GPC6: variants seen among roughly 807,000 people sequenced by gnomAD.
GPC6 encodes glypican-6.
A neutral mutation model predicts 55.2 loss-of-function variants in GPC6; 14 were observed. That is an observed-to-expected ratio of 0.25 (90% CI 0.17 to 0.40). GPC6 has a LOEUF of 0.40. GPC6 is among the 10% of genes least tolerant of loss of function. The probability of loss-of-function intolerance (pLI) is 1.00; values close to 1 mark genes in which losing one functional copy is unlikely to be tolerated. For missense variants in GPC6, 641 were observed against 708.5 expected (o/e 0.90, Z 1.08); for synonymous variants, 278 against 259.6 (o/e 1.07, Z -0.68).
chr13:93,615,920 A>G (rs1363177839), intron 2 of GPC6, among the ~76,000 whole-genome samples: 6 of 152,172 alleles, frequency 3.9e-5, no homozygotes, highest in African/African-American at 1.4e-4. Flanking sequence ...CATACTGCTC[A>G]CTCAGTAGTA....
intron 3 of GPC6, among the ~76,000 whole-genome samples, chr13:93,873,194 T>G (rs1280471513): frequency 1.3e-5 from 2 of 151,996 alleles, no homozygotes; most frequent in Non-Finnish European, 2.9e-5. Context: ...CTGTTCACAT[T>G]GCTATTTGCC....
chr13:94,104,675 GACAA>G (rs1885987943), intron 4 of GPC6, among the ~76,000 whole-genome samples: 2 of 152,174 alleles, frequency 1.3e-5, no homozygotes, highest in Non-Finnish European at 1.5e-5. Context: ...ACCAACAACA[GACAA>G]ACAGAGAGCC....
At position 93,926,420 on chromosome 13, in the gene GPC6, C is replaced by T. The variant is rs149906087; in HGVS notation, c.711+95875C>T. On this transcript the variant is annotated intron_variant, in intron 3 of 8. Coordinates refer to ENST00000377047, the MANE Select transcript of GPC6 (RefSeq NM_005708.5). The stretch of plus-strand genomic sequence containing the variant: ...TATATGGATTAAAGGTAATGTGCCC[C>T]CATAATGTTCTAACGTCTCCCTAGG... Among the ~76,000 whole-genome samples, 159 of 152,248 alleles carry T rather than the reference C, an allele frequency of 1.0e-3. 1 individual carries two copies. The highest frequency in any genetic ancestry group is 3.6e-3 in the African/African-American group (148 of 41,544).
intron 1 of GPC6, among the ~76,000 whole-genome samples, chr13:93,519,152 T>C (rs538012886): frequency 1.3e-5 from 2 of 152,202 alleles, no homozygotes; most frequent in South Asian, 4.1e-4. Flanking sequence ...AAAAGTTTGC[T>C]TACTTCTGCC....
intron 1 of GPC6, among the ~76,000 whole-genome samples, chr13:93,293,248 A>G (rs543308889): frequency 6.6e-6 from 1 of 152,196 alleles, no homozygotes; most frequent in African/African-American, 2.4e-5. Flanking sequence ...TAGGGGGAAA[A>G]AAACAATTAA....
intron 3 of GPC6, among the ~76,000 whole-genome samples, chr13:93,874,948 C>T (rs1190137321): frequency 6.6e-6 from 1 of 151,992 alleles, no homozygotes; most frequent in Non-Finnish European, 1.5e-5. Context: ...TATCCTGACA[C>T]ACACGTCTAG....
At chr13:93,485,869 A>G (rs1304566788) in intron 1 of GPC6, among the ~76,000 whole-genome samples, 1 of 152,218 alleles carries the variant, frequency 6.6e-6, no homozygotes, top group African/African-American at 2.4e-5. Flanking sequence ...AGCTCAGGGA[A>G]GAGATCTGGA....
intron 4 of GPC6, among the ~76,000 whole-genome samples, chr13:94,063,477 T>A (rs1884408052): frequency 6.6e-6 from 1 of 152,202 alleles, no homozygotes. Flanking sequence ...TTTTTTTAAA[T>A]CTGATTATGA....
At chr13:93,691,195 G>T (rs1882243274) in intron 2 of GPC6, among the ~76,000 whole-genome samples, 1 of 152,074 alleles carries the variant, frequency 6.6e-6, no homozygotes, top group African/African-American at 2.4e-5. Flanking sequence ...GTAACAAAAT[G>T]AAACATCTTA....
At chr13:94,331,062 C>G (rs1186771069) in intron 6 of GPC6, among the ~76,000 whole-genome samples, 2 of 152,140 alleles carry the variant, frequency 1.3e-5, no homozygotes, top group Non-Finnish European at 2.9e-5. Flanking sequence ...GCTACATCAA[C>G]TCTAACTGGC....
chr13:93,677,580 G>C (rs989950884), intron 2 of GPC6, among the ~76,000 whole-genome samples: 2 of 152,062 alleles, frequency 1.3e-5, no homozygotes, highest in African/African-American at 4.8e-5. Context: ...GCATTGAAAT[G>C]GTCGGTTGAG....
chr13:94,013,291 T>C (rs1369204837), intron 3 of GPC6, among the ~76,000 whole-genome samples: 1 of 152,118 alleles, frequency 6.6e-6, no homozygotes, highest in African/African-American at 2.4e-5. Flanking sequence ...TTTCACATGA[T>C]TGATAACATA....
intron 2 of GPC6, among the ~76,000 whole-genome samples, chr13:93,650,427 A>G (rs961296614): frequency 2.0e-5 from 3 of 152,160 alleles, no homozygotes; most frequent in South Asian, 4.1e-4. Context: ...AGATACCTCA[A>G]CCTTAGAATG....
rs555664508 is a variant in GPC6, at chr13:94,272,463, CTT to C, written c.878-13864_878-13863del. Among the ~76,000 whole-genome samples the C allele has an allele frequency of 4.7e-3, 402 of 85,668 alleles. 1 individual carries two copies. Among genetic ancestry groups the C allele is most frequent in the East Asian group, 0.026 (85 of 3,208 alleles). 56.2% of individuals were successfully genotyped at this position (85,668 alleles called of 152,430 possible). A position where few individuals can be genotyped will look rare whatever the true frequency, so the allele number is the denominator to read the frequency against. ...TTTTTCTTTTCTTTTCTTTTCTTTTCTTTTTTTTTTTTTTTTTTTTTTTGAAA... is the reference window on the plus strand; with the variant it reads ...TTTTTCTTTTCTTTTCTTTTCTTTTCTTTTTTTTTTTTTTTTTTTTTGAAA... On this transcript the variant is annotated intron_variant, in intron 4 of 8. Coordinates refer to ENST00000377047, the MANE Select transcript of GPC6 (RefSeq NM_005708.5).
At chr13:93,412,015 T>TAAATA (rs1290497796) in intron 1 of GPC6, among the ~76,000 whole-genome samples, 2 of 144,944 alleles carry the variant, frequency 1.4e-5, no homozygotes, top group African/African-American at 5.1e-5. Context: ...AAAAAAAAAA[T>TAAATA]AAATAAAATA....
intron 2 of GPC6, among the ~76,000 whole-genome samples, chr13:93,721,352 A>G (rs1225378038): frequency 6.6e-6 from 1 of 151,650 alleles, no homozygotes; most frequent in African/African-American, 2.4e-5. Flanking sequence ...GTCTGAAAAC[A>G]ACTATTATTA....
intron 1 of GPC6, among the ~76,000 whole-genome samples, chr13:93,302,422 C>T (rs9524007): frequency 0.2 from 30,435 of 152,112 alleles, 3,231 homozygotes; most frequent in Non-Finnish European, 0.24. Context: ...CATGTTTTAA[C>T]CTGGAGTATG....
At chr13:94,304,933 T>C (rs552396174) in intron 5 of GPC6, among the ~76,000 whole-genome samples, 6 of 152,360 alleles carry the variant, frequency 3.9e-5, no homozygotes, top group African/African-American at 1.4e-4. Context: ...TTTTAAAGAA[T>C]TCTTCCAGTA....
chr13:93,588,015 A>C (rs74108598), intron 2 of GPC6, among the ~76,000 whole-genome samples: 5,203 of 152,256 alleles, frequency 0.034, 294 homozygotes, highest in African/African-American at 0.12. Context: ...CTGGGATTTC[A>C]GAACCCCTTC....
Sources: gnomAD v4.1 joint callset for allele counts (sites outside exome capture counted in the v4.1 genomes callset) on GRCh38, gnomAD v4.1.1 for gene constraint, MANE v1.5 for transcripts, NCBI Gene and HGNC (gene_info 2026-07-23, HGNC 2026-07-21) for gene names.